Variants in FAM114A1 observed in about 807,000 individuals in gnomAD.
FAM114A1 encodes the protein family with sequence similarity 114 member A1, also known as protein NOXP20.
FAM114A1 carries 62 observed loss-of-function variants against 64.3 expected under a neutral mutation model. The observed-to-expected ratio is 0.96, with a 90% CI of 0.79 to 1.19. The LOEUF (loss-of-function observed/expected upper bound fraction) is 1.19, where lower values mean the gene tolerates loss of function less well. FAM114A1 is among the 50% of genes most tolerant of loss of function. FAM114A1 has a pLI of 0.00. For synonymous variants in FAM114A1, 254 were observed against 251.1 expected (o/e 1.01, Z -0.11); for missense variants, 645 against 676.3 (o/e 0.95, Z 0.51).
intron 3 of FAM114A1, among the ~76,000 whole-genome samples, chr4:38,882,670 A>G (rs114946850): frequency 0.024 from 3,622 of 152,354 alleles, 113 homozygotes; most frequent in African/African-American, 0.074. Flanking sequence ...CTTTACTAAA[A>G]AAAGAAAACG....
chr4:38,914,841 C>T, intron 7 of FAM114A1, 80 bp from the exon 8 acceptor site: 3 of 1,492,614 alleles, frequency 2.0e-6, no homozygotes, highest in Non-Finnish European at 2.7e-6. Flanking sequence ...AATCAGTCCT[C>T]CCAACCTCCC....
chr4:38,927,766 C>T (rs1358953515), intron 9 of FAM114A1, among the ~76,000 whole-genome samples: 1 of 152,232 alleles, frequency 6.6e-6, no homozygotes, highest in African/African-American at 2.4e-5. Flanking sequence ...TCACTGCAAC[C>T]TCTGCCTCCC....
chr4:38,927,463 T>C (rs1047060422), intron 9 of FAM114A1, among the ~76,000 whole-genome samples: 4 of 152,012 alleles, frequency 2.6e-5, no homozygotes, highest in African/African-American at 9.7e-5. Flanking sequence ...ATCCGGTTCA[T>C]GGGGGGCTCC....
intron 12 of FAM114A1, among the ~76,000 whole-genome samples, chr4:38,933,248 C>T (rs149335023): frequency 1.2e-3 from 184 of 152,324 alleles, no homozygotes; most frequent in African/African-American, 4.2e-3. Context: ...TAAGGGAAAA[C>T]ACACTAAATC....
chr4:38,893,104 G>A (rs1456521940), intron 4 of FAM114A1, among the ~76,000 whole-genome samples: 4 of 152,222 alleles, frequency 2.6e-5, no homozygotes, highest in East Asian at 1.9e-4. Flanking sequence ...AAGTAGAGGC[G>A]CCTGTTTTGT....
intron 9 of FAM114A1, among the ~76,000 whole-genome samples, chr4:38,927,053 G>C (rs1280836902): frequency 6.6e-6 from 1 of 152,140 alleles, no homozygotes; most frequent in African/African-American, 2.4e-5. Flanking sequence ...CCACGCTGAC[G>C]TCCTTGCTGC....
intron 3 of FAM114A1, among the ~76,000 whole-genome samples, chr4:38,882,001 C>T (rs1159514704): frequency 6.6e-6 from 1 of 152,224 alleles, no homozygotes; most frequent in African/African-American, 2.4e-5. Flanking sequence ...GATAAATTCT[C>T]ATCAGCCCTT....
At chr4:38,941,341 A>G (rs1334070792) in intron 14 of FAM114A1, among the ~76,000 whole-genome samples, 2 of 152,186 alleles carry the variant, frequency 1.3e-5, no homozygotes, top group Admixed American at 6.5e-5. Flanking sequence ...ATTGGCTGCA[A>G]TGAGGGATTA....
At chr4:38,924,693 C>T (rs920728242) in intron 9 of FAM114A1, among the ~76,000 whole-genome samples, 2 of 152,144 alleles carry the variant, frequency 1.3e-5, no homozygotes, top group African/African-American at 2.4e-5. Context: ...ATGTTCCTCC[C>T]GGAGTCACAA....
At chr4:38,903,463 C>A (rs1308301959) in intron 4 of FAM114A1, among the ~76,000 whole-genome samples, 1 of 152,204 alleles carries the variant, frequency 6.6e-6, no homozygotes, top group Non-Finnish European at 1.5e-5. Flanking sequence ...GCCTCCCAGC[C>A]TCCTTGACCT....
At chr4:38,935,588 G>C (rs559736466) in intron 12 of FAM114A1, 130 bp from the exon 13 acceptor site, 2 of 593,584 alleles carry the variant, frequency 3.4e-6, no homozygotes, top group Non-Finnish European at 5.8e-6. Flanking sequence ...GCACATTTCT[G>C]TAGAGCATCT....
In FAM114A1 at chr4:38,932,222, C is replaced by G; in HGVS notation, c.1324-13C>G. The stretch of plus-strand genomic sequence containing the variant: ...TCAGTAAAAAATTTCTTGCTTGTGT[C>G]TATTCATTTCAGGAAGTATACATGT... On this transcript the variant is annotated splice_polypyrimidine_tract_variant and intron_variant, in intron 11 of 14. Coordinates refer to ENST00000358869, the MANE Select transcript of FAM114A1 (RefSeq NM_138389.4). 6.3e-7 allele frequency: 1 copy of G among 1,584,260 alleles called. No homozygotes were observed. The highest frequency in any genetic ancestry group is 8.5e-7 in the Non-Finnish European group (1 of 1,171,458).
chr4:38,895,072 C>T (rs1716784039), intron 4 of FAM114A1, among the ~76,000 whole-genome samples: 2 of 152,166 alleles, frequency 1.3e-5, no homozygotes, highest in African/African-American at 4.8e-5. Flanking sequence ...TCAACATAGA[C>T]CACAGATCAG....
At chr4:38,930,962 C>T (rs1005463430) in intron 10 of FAM114A1, among the ~76,000 whole-genome samples, 1 of 152,142 alleles carries the variant, frequency 6.6e-6, no homozygotes, top group Non-Finnish European at 1.5e-5. Flanking sequence ...ACGCAGAGCC[C>T]TTCTTCACCT....
At chr4:38,891,273 A>T (rs1716350950) in intron 3 of FAM114A1, among the ~76,000 whole-genome samples, 1 of 152,098 alleles carries the variant, frequency 6.6e-6, no homozygotes, top group African/African-American at 2.4e-5. Context: ...CGCTTTTTAG[A>T]CACTTTGCCC....
rs370221805 is a variant in FAM114A1, at chr4:38,942,077, A to C, written c.1590+1056A>C. On this transcript the variant is annotated intron_variant, in intron 14 of 14. Coordinates refer to ENST00000358869, the MANE Select transcript of FAM114A1 (RefSeq NM_138389.4). ...AAACTCCCTGTTATAAAACCATCAG[A>C]TCTCATGAGACTTACTCACTATTAC... Among the ~76,000 whole-genome samples, 73 of 152,270 alleles carry C rather than the reference A, an allele frequency of 4.8e-4. 1 individual carries two copies. The highest frequency in any genetic ancestry group is 1.6e-3 in the African/African-American group (68 of 41,538).
intron 4 of FAM114A1, among the ~76,000 whole-genome samples, chr4:38,897,495 A>T (rs1184907567): frequency 6.6e-6 from 1 of 152,240 alleles, no homozygotes. Context: ...TACAAAATCA[A>T]ACATTTTTCA....
At chr4:38,920,707 A>G (rs564789851) in intron 8 of FAM114A1, among the ~76,000 whole-genome samples, 2 of 152,210 alleles carry the variant, frequency 1.3e-5, no homozygotes, top group Non-Finnish European at 2.9e-5. Flanking sequence ...TCAATAATTA[A>G]TGTTAGAAAA....
intron 2 of FAM114A1, among the ~76,000 whole-genome samples, chr4:38,876,682 A>G (rs1714678157): frequency 6.6e-6 from 1 of 152,224 alleles, no homozygotes; most frequent in Non-Finnish European, 1.5e-5. Context: ...GCTTTTGCCA[A>G]CACAGACTTA....
Sources: allele counts gnomAD v4.1 joint callset (sites outside exome capture counted in the v4.1 genomes callset), GRCh38; gene constraint gnomAD v4.1.1; transcripts MANE v1.5; gene names NCBI Gene and HGNC (gene_info 2026-07-23, HGNC 2026-07-21).